Variants in PRG3 observed in about 807,000 individuals in gnomAD.
PRG3 encodes the protein proteoglycan 3.
A neutral mutation model predicts 26.1 loss-of-function variants in PRG3; 25 were observed. That is an observed-to-expected ratio of 0.96 (90% confidence interval 0.70 to 1.34). The LOEUF (loss-of-function observed/expected upper bound fraction) is 1.34, where lower values mean the gene tolerates loss of function less well. Ranked by LOEUF, PRG3 falls within the 40% of genes most tolerant of loss-of-function variation. The pLI is 0.00. For missense variants in PRG3, 280 were observed against 264.8 expected (o/e 1.06, Z -0.40); for synonymous variants, 111 against 100.4 (o/e 1.11, Z -0.63).
At chr11:57,378,837 A>C (rs780876825) in intron 3 of PRG3, 25 bp from the exon 4 acceptor site, 11 of 1,609,280 alleles carry the variant, frequency 6.8e-6, no homozygotes, top group Non-Finnish European at 1.7e-6. Flanking sequence ...AAAGTAGAGA[A>C]TTCCCTCTCA....
At chr11:57,380,277 G>T (rs1388441701) in intron 2 of PRG3, among the ~76,000 whole-genome samples, 4 of 152,174 alleles carry the variant, frequency 2.6e-5, no homozygotes, top group Non-Finnish European at 4.4e-5. Flanking sequence ...GCATGTGCCT[G>T]TAGTCCCAGC....
chr11:57,376,945 C>A (rs746867758), intron 5 of PRG3, 37 bp from the exon 6 acceptor site: 1 of 1,609,538 alleles, frequency 6.2e-7, no homozygotes, highest in East Asian at 2.2e-5. Flanking sequence ...CACCGCCCTG[C>A]GGGGTCTGGC....
At chr11:57,377,668 G>A (rs1454490822) in intron 5 of PRG3, 57 bp downstream of exon 5, 1 of 1,412,612 alleles carries the variant, frequency 7.1e-7, no homozygotes, top group Non-Finnish European at 9.8e-7. Context: ...CAAAGGGGTA[G>A]TATTAAGAAT....
At chr11:57,376,957 T>A in intron 5 of PRG3, 49 bp from the exon 6 acceptor site, 2 of 1,603,102 alleles carry the variant, frequency 1.2e-6, no homozygotes, top group Non-Finnish European at 1.7e-6. Flanking sequence ...GGGTCTGGCC[T>A]GGGCTTCACC....
At position 57,377,768 on chromosome 11, in the gene PRG3, T is replaced by C. The variant is rs1856958670; in HGVS notation, c.576A>G (p.Gln192=). The C allele has an allele frequency of 6.2e-7, 1 of 1,612,964 alleles. No homozygotes were observed. Among genetic ancestry groups the C allele is most frequent in the African/African-American group, 1.3e-5 (1 of 74,916 alleles). ...CACAGGAGCCTTGCCCATTCCCAGGTTGCCCTGGGGACCAGTAAGCAAAAT... is the reference window on the plus strand; with the variant it reads ...CACAGGAGCCTTGCCCATTCCCAGGCTGCCCTGGGGACCAGTAAGCAAAAT... ...HWNFAYWSPG[Q]PGNGQGSCVA... is the part of the protein sequence containing the mutation. The change falls in exon 5 of 6, where the codon CAA becomes CAG. Residue 192 remains glutamine (Q), a synonymous_variant. Transcript: ENST00000287143.
Position 57,378,808 on chromosome 11 carries a change from A to G in PRG3, c.380T>C (p.Val127Ala), listed in dbSNP as rs1554969362. The change falls in exon 4 of 6, where the codon GTC (valine) becomes GCC (alanine). Residue 127 changes from valine (V) to alanine (A), a missense_variant. By Grantham distance (64) the Val-to-Ala change is moderately conservative. Coordinates refer to ENST00000287143, the MANE Select transcript of PRG3 (RefSeq NM_006093.4). ...TPKTFAEAQN[V>A]CSRCYGGNLV... ...GTTGCCTCCGTAGCATCTGCTGCAG[A>G]CATTCTGCAGACGGAAACAAAGTAG... 6.2e-7 allele frequency: 1 copy of G among 1,613,530 alleles called. No individual in the cohort carries two copies. The highest frequency in any genetic ancestry group is 8.5e-7 in the Non-Finnish European group (1 of 1,179,878).
Position 57,376,875 on chromosome 11 carries a change from T to C in PRG3, c.653A>G (p.Gln218Arg). The change falls in exon 6 of 6, where the codon CAA becomes CGA. Residue 218 changes from glutamine to arginine, a missense_variant. Physicochemically the swap from Gln to Arg is conservative, Grantham distance 43. Coordinates refer to ENST00000287143, the MANE Select transcript of PRG3 (RefSeq NM_006093.4). Reference sequence around the variant, plus strand: ...TTAGAAGGAGCAGACGAAGGGCAGTTGCTTGTCGCATTGAGCTCGTCGCCA... The same window carrying C: ...TTAGAAGGAGCAGACGAAGGGCAGTCGCTTGTCGCATTGAGCTCGTCGCCA... ...GYWRRAQCDKQLPFVCSF is the reference protein window; with the variant it reads ...GYWRRAQCDKRLPFVCSF 2 of 1,612,562 alleles carry C rather than the reference T, an allele frequency of 1.2e-6. No individual in the cohort carries two copies. Among genetic ancestry groups the C allele is most frequent in the Non-Finnish European group, 1.7e-6 (2 of 1,179,860 alleles).
chr11:57,379,489 C>A lies in PRG3; in HGVS notation c.375+5G>T. The A allele has an allele frequency of 6.2e-7, 1 of 1,602,900 alleles. No individual in the cohort carries two copies. On this transcript the variant is annotated splice_donor_5th_base_variant and intron_variant, in intron 3 of 5. Transcript: ENST00000287143. ...GTCCTCCGCAGTAGCCTCCCTACTA[C>A]TTACCTGAGCTTCTGCAAAAGTTTT...
At chr11:57,380,554 C>T in intron 2 of PRG3, 94 bp downstream of exon 2, 1 of 1,135,468 alleles carries the variant, frequency 8.8e-7, no homozygotes, top group Non-Finnish European at 1.2e-6. Context: ...GGCTGTGGTC[C>T]TGGCCTCATG....
chr11:57,379,834 A>G (rs1856981542), intron 2 of PRG3, 27 bp from the exon 3 acceptor site: 1 of 1,573,124 alleles, frequency 6.4e-7, no homozygotes. Context: ...ACCTGCCATC[A>G]GGTCAAGAGC....
At position 57,378,769 on chromosome 11, in the gene PRG3, T is replaced by C. The variant is rs1204600928; in HGVS notation, c.419A>G (p.His140Arg). The C allele has an allele frequency of 6.2e-7, 1 of 1,613,862 alleles. No individual in the cohort carries two copies. The highest frequency in any genetic ancestry group is 8.5e-7 in the Non-Finnish European group (1 of 1,179,950). The change falls in exon 4 of 6, where the codon CAT becomes CGT. Residue 140 changes from histidine to arginine, a missense_variant. Physicochemically the swap from His to Arg is conservative, Grantham distance 29. Coordinates refer to ENST00000287143, the MANE Select transcript of PRG3 (RefSeq NM_006093.4). Reference sequence around the variant, plus strand: ...AATGCGATAGTTGAAGTTGAAGTCATGGATAGAGACAAGGTTGCCTCCGTA... The same window carrying C: ...AATGCGATAGTTGAAGTTGAAGTCACGGATAGAGACAAGGTTGCCTCCGTA... ...RCYGGNLVSI[H>R]DFNFNYRIQC...
intron 2 of PRG3, 137 bp downstream of exon 2, chr11:57,380,511 A>G (rs1441993088): frequency 4.5e-6 from 3 of 665,216 alleles, no homozygotes. Context: ...GTGATATCTT[A>G]CCGGAGATGA....
rs571651 is a variant in PRG3, at chr11:57,380,580, G to A, written c.61+68C>T. ...TGGCCTCATGAGTGCAAATAAAAGC[G>A]GGGGGAGGGGAGTGTAGGAAAAAGG... is the stretch of plus-strand genomic sequence containing the variant. On this transcript the variant is annotated intron_variant, in intron 2 of 5. Coordinates refer to ENST00000287143, the MANE Select transcript of PRG3 (RefSeq NM_006093.4). 9 of 1,376,028 alleles carry A rather than the reference G, an allele frequency of 6.5e-6. No individual in the cohort carries two copies. The African/African-American group carries it at 1.1e-4, about 16-fold the overall frequency. 85.2% of individuals were successfully genotyped at this position (1,376,028 alleles called of 1,614,324 possible). A position where few individuals can be genotyped will look rare whatever the true frequency, so the allele number is the denominator to read the frequency against.
Position 57,379,790 on chromosome 11 carries a change from G to T in PRG3, c.79C>A (p.Leu27Met). Residue 27 changes from leucine to methionine, a missense_variant, in exon 3 of 6, where the codon CTG (leucine) becomes ATG (methionine). Coordinates refer to ENST00000287143, the MANE Select transcript of PRG3 (RefSeq NM_006093.4). ...TCTGCCTGTGTCTCTAGGCTCTCCA[G>T]ATGGGGGGCATCATTCTCTGGGAAG... The part of the protein sequence containing the change: ...ALHLENDAPH[L>M]ESLETQADLG... The T allele has an allele frequency of 6.2e-7, 1 of 1,608,146 alleles. No individual in the cohort carries two copies. Among genetic ancestry groups the T allele is most frequent in the Middle Eastern group, 1.7e-4 (1 of 6,036 alleles).
At chr11:57,380,055 G>A (rs180864515) in intron 2 of PRG3, among the ~76,000 whole-genome samples, 1 of 152,358 alleles carries the variant, frequency 6.6e-6, no homozygotes, top group East Asian at 1.9e-4. Flanking sequence ...GAAGCCTGGG[G>A]CAGTCACCAG....
intron 2 of PRG3, 49 bp downstream of exon 2, chr11:57,380,598 GA>G (rs1304323771): frequency 1.4e-6 from 2 of 1,473,632 alleles, no homozygotes; most frequent in South Asian, 1.3e-5. Flanking sequence ...GGGAGTGTAG[GA>G]AAAAGGAAAA....
intron 1 of PRG3, 50 bp downstream of exon 1, chr11:57,381,064 C>T (rs1856996938): frequency 1.8e-5 from 3 of 163,446 alleles, no homozygotes; most frequent in Non-Finnish European, 3.9e-5. Flanking sequence ...GGTGCTGCTT[C>T]TTCCCAGGGC....
intron 4 of PRG3, 133 bp downstream of exon 4, chr11:57,378,548 G>T: frequency 8.3e-7 from 1 of 1,208,030 alleles, no homozygotes. Context: ...GCCAGTACAA[G>T]CCATCTCCAG....
At position 57,379,739 on chromosome 11, in the gene PRG3, T is replaced by C. The variant is rs1369733968; in HGVS notation, c.130A>G (p.Lys44Glu). 1.2e-6 allele frequency: 2 copies of C among 1,613,970 alleles called. No homozygotes were observed. Among genetic ancestry groups the C allele is most frequent in the East Asian group, 2.2e-5 (1 of 44,872 alleles). The change falls in exon 3 of 6, where the codon AAG (lysine) becomes GAG (glutamate). Residue 44 changes from lysine to glutamate, a missense_variant. Coordinates refer to ENST00000287143, the MANE Select transcript of PRG3 (RefSeq NM_006093.4). ...ADLGQDLDSS[K>E]EQERDLALTE... ...AGAGCCAAGTCTCTCTCCTGCTCCT[T>C]TGAACTATCCAGATCCTGGCCTAGG...
Sources: allele counts gnomAD v4.1 joint callset (sites outside exome capture counted in the v4.1 genomes callset), GRCh38; gene constraint gnomAD v4.1.1; transcripts MANE v1.5; gene names NCBI Gene and HGNC (gene_info 2026-07-23, HGNC 2026-07-21).